Variants in MPP7 observed in about 807,000 individuals in gnomAD.
MPP7 encodes MAGUK p55 subfamily member 7.
Under a neutral mutation model 76.5 loss-of-function variants are expected in MPP7, and 60 were observed. The observed-to-expected ratio is 0.78, with a 90% CI of 0.64 to 0.97. The LOEUF (loss-of-function observed/expected upper bound fraction) is 0.97, where lower values mean the gene tolerates loss of function less well. Among genes scored for constraint, MPP7 ranks in the 50% least tolerant of loss-of-function variants. The pLI, the probability that MPP7 is intolerant of heterozygous loss-of-function variation, is 0.00. For synonymous variants in MPP7, 237 were observed against 244.5 expected, an observed-to-expected ratio of 0.97 and a Z score of 0.29; for missense variants, 641 against 694.0, an observed-to-expected ratio of 0.92 and a Z score of 0.86.
rs148841259 is a variant in MPP7, at chr10:28,250,671, T to C, written c.-131-11936A>G. ...TTGAGACATGCTCTTGGTCCTTTCT[T>C]ATTGCTTTCTTTGCAAAAATCACAC... is the stretch of plus-strand genomic sequence containing the variant. On this transcript the variant is annotated intron_variant, in intron 1 of 16. Transcript: ENST00000683449. Among the ~76,000 whole-genome samples the C allele has an allele frequency of 2.2e-4, 34 of 152,342 alleles. 1 individual carries two copies. Among genetic ancestry groups the C allele is most frequent in the African/African-American group, 7.9e-4 (33 of 41,572 alleles).
chr10:28,144,698 C>T (rs1237095521), intron 5 of MPP7, among the ~76,000 whole-genome samples: 2 of 152,154 alleles, frequency 1.3e-5, no homozygotes, highest in East Asian at 3.9e-4. Context: ...AAGGTCTCAA[C>T]TTATATGCCA....
chr10:28,204,960 A>G (rs1837903500), intron 2 of MPP7, among the ~76,000 whole-genome samples: 1 of 152,236 alleles, frequency 6.6e-6, no homozygotes, highest in Non-Finnish European at 1.5e-5. Context: ...TGTGGGAATA[A>G]GCCATATTAT....
chr10:28,092,720 G>A (rs1256035816), intron 11 of MPP7, among the ~76,000 whole-genome samples: 1 of 144,796 alleles, frequency 6.9e-6, no homozygotes, highest in African/African-American at 2.6e-5. Flanking sequence ...CCACAGGCAT[G>A]TGCCACCACA....
rs374277768 is a variant in MPP7, at chr10:28,193,261, G to A, written c.156+8892C>T. Among the ~76,000 whole-genome samples the A allele has an allele frequency of 4.3e-3, 647 of 149,278 alleles. 4 individuals are homozygous for A. Among genetic ancestry groups the A allele is most frequent in the African/African-American group, 0.014 (589 of 40,662 alleles). On this transcript the variant is annotated intron_variant, in intron 3 of 16. Coordinates refer to ENST00000683449, the MANE Select transcript of MPP7 (RefSeq NM_001318170.2). Reference sequence around the variant, plus strand: ...GGAGTCTCGCTCTGTCGCCCAGGCTGGAGTGCAGTGGCACGATCCCAGCTC... The same window carrying A: ...GGAGTCTCGCTCTGTCGCCCAGGCTAGAGTGCAGTGGCACGATCCCAGCTC...
intron 3 of MPP7, among the ~76,000 whole-genome samples, chr10:28,193,773 A>G (rs1264346695): frequency 2.0e-5 from 3 of 152,316 alleles, no homozygotes; most frequent in East Asian, 1.9e-4. Flanking sequence ...CTCAGCAAAG[A>G]AGATGTATAG....
intron 2 of MPP7, among the ~76,000 whole-genome samples, chr10:28,329,532 G>A (rs1423915696): frequency 6.6e-6 from 1 of 151,110 alleles, no homozygotes; most frequent in Non-Finnish European, 1.5e-5. Context: ...GGGAGGCTGA[G>A]GCAGGAGAAT....
intron 2 of MPP7, among the ~76,000 whole-genome samples, chr10:28,213,097 A>T (rs1444204598): frequency 1.3e-5 from 2 of 151,862 alleles, no homozygotes; most frequent in African/African-American, 4.8e-5. Flanking sequence ...GCTCCCCTAG[A>T]TGTGACTAAT....
chr10:28,223,089 G>A (rs896362729), intron 2 of MPP7, among the ~76,000 whole-genome samples: 2 of 151,108 alleles, frequency 1.3e-5, no homozygotes, highest in Admixed American at 6.6e-5. Context: ...AGCCGGGATC[G>A]CACCACTGCA....
chr10:28,154,685 G>A (rs879560422), intron 3 of MPP7, among the ~76,000 whole-genome samples: 9 of 146,728 alleles, frequency 6.1e-5, no homozygotes, highest in Non-Finnish European at 1.2e-4. Context: ...CCAGAATAAT[G>A]TTCTAGAGAA....
intron 11 of MPP7, among the ~76,000 whole-genome samples, chr10:28,105,229 CTGCCAATAAGAATACATTT>C (rs143093392): frequency 0.32 from 48,086 of 148,280 alleles, 10,674 homozygotes; most frequent in East Asian, 0.83. Flanking sequence ...AGTTATCCAT[CTGCCAATAAGAATACATTT>C]TGCACAACAT....
intron 3 of MPP7, among the ~76,000 whole-genome samples, chr10:28,178,702 G>A (rs1221913775): frequency 6.6e-6 from 1 of 151,978 alleles, no homozygotes; most frequent in Non-Finnish European, 1.5e-5. Flanking sequence ...AAGGGTTGCT[G>A]GAAGAGAGAA....
chr10:28,220,996 T>C (rs1293012287), intron 2 of MPP7, among the ~76,000 whole-genome samples: 1 of 152,122 alleles, frequency 6.6e-6, no homozygotes, highest in East Asian at 1.9e-4. Context: ...AAAAGTATCT[T>C]AAATGGCTTT....
intron 14 of MPP7, among the ~76,000 whole-genome samples, chr10:28,059,157 G>A (rs1262926687): frequency 6.6e-6 from 1 of 152,172 alleles, no homozygotes; most frequent in African/African-American, 2.4e-5. Context: ...TCAGCAGATG[G>A]AAAACCTGGG....
chr10:28,122,393 T>C (rs1017439260), intron 8 of MPP7, among the ~76,000 whole-genome samples: 1 of 152,236 alleles, frequency 6.6e-6, no homozygotes, highest in Admixed American at 6.5e-5. Context: ...TTTTGAAAAA[T>C]TTTGTTTATA....
chr10:28,283,104 G>GT (rs1333308796), intron 1 of MPP7, among the ~76,000 whole-genome samples: 4 of 152,002 alleles, frequency 2.6e-5, no homozygotes, highest in African/African-American at 9.7e-5. Flanking sequence ...CGTTGGTGGA[G>GT]TAACTTAAGG....
At chr10:28,306,336 T>C (rs141296549), upstream of MPP7, among the ~76,000 whole-genome samples, 1 of 152,280 alleles carries the variant, frequency 6.6e-6, no homozygotes, top group East Asian at 1.9e-4. Context: ...TTCACCCTAA[T>C]AGAGGACAGA....
intron 8 of MPP7, among the ~76,000 whole-genome samples, chr10:28,121,611 C>G (rs74742650): frequency 0.013 from 1,932 of 152,152 alleles, 51 homozygotes; most frequent in East Asian, 0.11. Context: ...CTGTCTCTCT[C>G]TTTTTACCAT....
chr10:28,131,610 C>A lies in MPP7; in HGVS notation c.397G>T (p.Glu133Ter). 1 of 1,606,982 alleles carries A rather than the reference C, an allele frequency of 6.2e-7. No homozygotes were observed. The highest frequency in any genetic ancestry group is 1.1e-5 in the South Asian group (1 of 90,948). ...CGGATTATTTTTACTGAGTCTTCCT[C>A]ATCGTCAATATCTTCAGGCATAGGA... ...LPPMPEDIDD[E>*]EDSVKIIRLV... Residue 133 changes from glutamate (E) to a stop codon, truncating the protein, a stop_gained, in exon 6 of 17, where the codon GAG (glutamate) becomes TAG (stop). Transcript: ENST00000683449. LOFTEE classifies it high-confidence loss of function.
chr10:28,109,848 C>CAAA (rs869206744), intron 11 of MPP7, among the ~76,000 whole-genome samples: 8,237 of 19,202 alleles, frequency 0.43, 2,957 homozygotes, highest in Middle Eastern at 0.67. Context: ...GCCGCAGACG[C>CAAA]AAAAAAAAAA....
Sources: gnomAD v4.1 joint callset for allele counts (sites outside exome capture counted in the v4.1 genomes callset) on GRCh38, gnomAD v4.1.1 for gene constraint, MANE v1.5 for transcripts, NCBI Gene and HGNC (gene_info 2026-07-23, HGNC 2026-07-21) for gene names.